Variants in ZNF175 observed in about 807,000 individuals in gnomAD.
The protein encoded by ZNF175 is zinc finger protein OTK18.
ZNF175 carries 8 observed loss-of-function variants against 14.0 expected under a neutral mutation model. That is an observed-to-expected ratio of 0.57 (90% CI 0.34 to 1.03). The LOEUF (loss-of-function observed/expected upper bound fraction) is 1.03, where lower values mean the gene tolerates loss of function less well. ZNF175 is among the 50% of genes least tolerant of loss of function. The pLI is 0.03. For synonymous variants in ZNF175, 255 were observed against 296.8 expected, an observed-to-expected ratio of 0.86 and a Z score of 1.45; for missense variants, 764 against 849.5, an observed-to-expected ratio of 0.90 and a Z score of 1.25.
At chr19:51,581,758 C>T in intron 3 of ZNF175, 29 bp from the exon 4 acceptor site, 1 of 1,609,924 alleles carries the variant, frequency 6.2e-7, no homozygotes, top group Non-Finnish European at 8.5e-7. Flanking sequence ...GAAGCTACAC[C>T]CAAATCCAGT....
chr19:51,575,379 G>C (rs1295804857), intron 2 of ZNF175, among the ~76,000 whole-genome samples: 1 of 151,952 alleles, frequency 6.6e-6, no homozygotes, highest in African/African-American at 2.4e-5. Context: ...AGCACTGCTG[G>C]CTAATTTTTT....
chr19:51,584,962 C>T (rs1568575957), intron 4 of ZNF175, among the ~76,000 whole-genome samples: 1 of 152,278 alleles, frequency 6.6e-6, no homozygotes, highest in Non-Finnish European at 1.5e-5. Flanking sequence ...CCATATGATC[C>T]AGCAACTCCA....
chr19:51,581,272 T>C, intron 2 of ZNF175, 119 bp from the exon 3 acceptor site: 3 of 1,413,538 alleles, frequency 2.1e-6, no homozygotes, highest in Non-Finnish European at 2.9e-6. Context: ...AGGTGTTTGG[T>C]GGGAAGCCTC....
rs1319364899 is a variant in ZNF175, at chr19:51,591,058, A to G, written c.*2591A>G. 6.6e-6 allele frequency: 1 copy of G among 152,480 alleles called. No individual in the cohort carries two copies. The highest frequency in any genetic ancestry group is 1.5e-5 in the Non-Finnish European group (1 of 68,352). The allele number at this position is 152,480 out of a possible 1,614,324, so 9.4% of individuals were successfully genotyped here. A position where few individuals can be genotyped will look rare whatever the true frequency, so the allele number is the denominator to read the frequency against. On this transcript the variant is annotated 3_prime_UTR_variant, in exon 5 of 5. Coordinates refer to ENST00000262259, the MANE Select transcript of ZNF175 (RefSeq NM_007147.4). ...ATCTCCAGCCACATGTTCACTCCTC[A>G]CGTGGGCCTCCCTAACTGTCCCCCT... is the stretch of plus-strand genomic sequence containing the variant.
rs766976750 is a variant in ZNF175, at chr19:51,587,130, CT to C, written c.800del (p.Leu267ProfsTer37). The C allele has an allele frequency of 6.2e-7, 1 of 1,614,200 alleles. No homozygotes were observed. Among genetic ancestry groups the C allele is most frequent in the Non-Finnish European group, 8.5e-7 (1 of 1,180,026 alleles). On this transcript the variant is annotated frameshift_variant, in exon 5 of 5. Coordinates refer to ENST00000262259, the MANE Select transcript of ZNF175 (RefSeq NM_007147.4). LOFTEE classifies it low-confidence loss of function (END_TRUNC). The part of the protein sequence containing the change: ...CRKVCGHKQS[L>X]KQHQIHTQKK... The stretch of plus-strand genomic sequence containing the variant: ...AAAAGTCTGTGGCCATAAACAGTCA[CT>C]CAAGCAACATCAAATTCATACTCAG...
rs1982308857 is a variant in ZNF175, at chr19:51,590,155, G to A, written c.*1688G>A. 6.6e-6 allele frequency: 1 copy of A among 152,654 alleles called. No individual in the cohort carries two copies. Among genetic ancestry groups the A allele is most frequent in the Non-Finnish European group, 1.5e-5 (1 of 68,410 alleles). The allele number at this position is 152,654 out of a possible 1,614,324, so 9.5% of individuals were successfully genotyped here. A position where few individuals can be genotyped will look rare whatever the true frequency, so the allele number is the denominator to read the frequency against. The stretch of plus-strand genomic sequence containing the variant: ...GAACTGTTATCAATACTTCCGAGAA[G>A]CAGACCAGCATAATCTTTTAAGTGC... On this transcript the variant is annotated 3_prime_UTR_variant, in exon 5 of 5. Transcript: ENST00000262259.
chr19:51,571,769 C>T (rs934179190), intron 1 of ZNF175, among the ~76,000 whole-genome samples: 1 of 152,120 alleles, frequency 6.6e-6, no homozygotes, highest in African/African-American at 2.4e-5. Flanking sequence ...ATTCACTGTC[C>T]GTGGGACTAG....
rs4802819 is a variant in ZNF175 at position 51,591,780 on chromosome 19, C to T, written c.*3313C>T. 75,004 of 136,946 alleles carry T rather than the reference C, an allele frequency of 0.55. 20,146 individuals are homozygous for T. Among genetic ancestry groups the T allele is most frequent in the East Asian group, 0.91 (4,430 of 4,846 alleles). The allele number at this position is 136,946 out of a possible 1,614,324, so 8.5% of individuals were successfully genotyped here. A position where few individuals can be genotyped will look rare whatever the true frequency, so the allele number is the denominator to read the frequency against. Reference sequence around the variant, plus strand: ...TCCTCATGACCTTTTTTTTTTTTTTCTTGTGAGATGGAGTCTCGCTCTGTC... The same window carrying T: ...TCCTCATGACCTTTTTTTTTTTTTTTTTGTGAGATGGAGTCTCGCTCTGTC... On this transcript the variant is annotated 3_prime_UTR_variant, in exon 5 of 5. Transcript: ENST00000262259.
chr19:51,576,152 GT>G (rs369470286), intron 2 of ZNF175, among the ~76,000 whole-genome samples: 52,099 of 130,414 alleles, frequency 0.4, 8,908 homozygotes, highest in East Asian at 0.69. Context: ...TTTTTTTTTT[GT>G]TTTTTTTTTT....
In ZNF175 at chr19:51,581,828, A is replaced by G. The variant is rs750265495; in HGVS notation, c.241A>G (p.Lys81Glu). The G allele has an allele frequency of 1.9e-6, 3 of 1,614,004 alleles. No individual in the cohort carries two copies. The highest frequency in any genetic ancestry group is 2.5e-6 in the Non-Finnish European group (3 of 1,179,912). Residue 81 changes from lysine to glutamate, a missense_variant, in exon 4 of 5, where the codon AAA (lysine) becomes GAA (glutamate). Coordinates refer to ENST00000262259, the MANE Select transcript of ZNF175 (RefSeq NM_007147.4). ...CCCAGAGGTCATCTTCAGAATGCTA[A>G]AAGAAAAGGAGCCGCGTGTGGAGGA... ...PNPEVIFRML[K>E]EKEPRVEEAE... is the part of the protein sequence containing the mutation.
intron 4 of ZNF175, among the ~76,000 whole-genome samples, chr19:51,585,620 ATACTCAGTATTAAAAT>A (rs1192611558): frequency 6.6e-6 from 1 of 152,216 alleles, no homozygotes; most frequent in Non-Finnish European, 1.5e-5. Flanking sequence ...TGTGATGTTC[ATACTCAGTATTAAAAT>A]CTGGTAGAAA....
At chr19:51,581,641 G>A (rs1838218459) in intron 3 of ZNF175, 124 bp downstream of exon 3, 1 of 1,521,700 alleles carries the variant, frequency 6.6e-7, no homozygotes, top group South Asian at 1.3e-5. Context: ...GTCCTGGATT[G>A]TTTGTTTCTT....
At position 51,587,007 on chromosome 19, in the gene ZNF175, G is replaced by A. The variant is rs372054272; in HGVS notation, c.676G>A (p.Val226Ile). Residue 226 changes from valine to isoleucine, a missense_variant, in exon 5 of 5, where the codon GTT (valine) becomes ATT (isoleucine). By Grantham distance (29) the Val-to-Ile change is conservative (BLOSUM62 3). Transcript: ENST00000262259. Reference sequence around the variant, plus strand: ...CAATGACACAGAACAGCTTGATGACGTTGTTGGGTCTGGTCAGCTATTCAG... The same window carrying A: ...CAATGACACAGAACAGCTTGATGACATTGTTGGGTCTGGTCAGCTATTCAG... ...ESNDTEQLDDVVGSGQLFSHS... is the reference protein window; with the variant it reads ...ESNDTEQLDDIVGSGQLFSHS... 3.4e-5 allele frequency: 55 copies of A among 1,614,056 alleles called. No homozygotes were observed. Among genetic ancestry groups the A allele is most frequent in the Non-Finnish European group, 4.3e-5 (51 of 1,180,014 alleles).
At position 51,589,714 on chromosome 19, in the gene ZNF175, T is replaced by G; in HGVS notation, c.*1247T>G. 6.3e-6 allele frequency: 4 copies of G among 636,928 alleles called. No individual in the cohort carries two copies. The East Asian group carries it at 1.1e-4, about 17-fold the overall frequency. 39.5% of individuals were successfully genotyped at this position (636,928 alleles called of 1,614,324 possible). A position where few individuals can be genotyped will look rare whatever the true frequency, so the allele number is the denominator to read the frequency against. On this transcript the variant is annotated 3_prime_UTR_variant, in exon 5 of 5. Coordinates refer to ENST00000262259, the MANE Select transcript of ZNF175 (RefSeq NM_007147.4). ...CTGTTTTTTTAAAATAAAGTTTTAT[T>G]GGAACACAGCCATGTTCATTTGGAC... is the stretch of plus-strand genomic sequence containing the variant.
intron 2 of ZNF175, among the ~76,000 whole-genome samples, chr19:51,575,995 TC>T (rs1293754292): frequency 6.6e-6 from 1 of 152,190 alleles, no homozygotes; most frequent in Non-Finnish European, 1.5e-5. Context: ...TTACGGTTTT[TC>T]CCTGGAGCAC....
Position 51,573,251 on chromosome 19 carries a change from A to C in ZNF175, c.-79A>C. The C allele has an allele frequency of 1.4e-6, 2 of 1,474,060 alleles. No homozygotes were observed. The highest frequency in any genetic ancestry group is 1.9e-6 in the Non-Finnish European group (2 of 1,058,850). The allele number at this position is 1,474,060 out of a possible 1,614,324, so 91.3% of individuals were successfully genotyped here. ...GCCGTGTCCCTGGTTGGAAAATCCAAACACCTATCCAGCTTCTGGCTCCTG... is the reference window on the plus strand; with the variant it reads ...GCCGTGTCCCTGGTTGGAAAATCCACACACCTATCCAGCTTCTGGCTCCTG... On this transcript the variant is annotated 5_prime_UTR_variant, in exon 2 of 5. Coordinates refer to ENST00000262259, the MANE Select transcript of ZNF175 (RefSeq NM_007147.4).
In ZNF175 at chr19:51,573,645, G is replaced by A. The variant is rs1981671735; in HGVS notation, c.72+244G>A. On this transcript the variant is annotated intron_variant, in intron 2 of 4. Coordinates refer to ENST00000262259, the MANE Select transcript of ZNF175 (RefSeq NM_007147.4). Reference sequence around the variant, plus strand: ...AAGAAGAAACTGTAGTCCCTGGTCTGATCAGAAGCCCCAGTCATAGGATGG... The same window carrying A: ...AAGAAGAAACTGTAGTCCCTGGTCTAATCAGAAGCCCCAGTCATAGGATGG... The A allele has an allele frequency of 2.3e-5, 11 of 484,972 alleles. No homozygotes were observed. The East Asian group carries it at 3.8e-4, about 17-fold the overall frequency. The allele number at this position is 484,972 out of a possible 1,614,324, so 30.0% of individuals were successfully genotyped here.
intron 2 of ZNF175, 108 bp downstream of exon 2, chr19:51,573,509 G>A: frequency 9.4e-7 from 1 of 1,058,588 alleles, no homozygotes. Context: ...CTCCTGTCAA[G>A]CGAGGACCAC....
At position 51,588,405 on chromosome 19, in the gene ZNF175, A is replaced by G. The variant is rs113726540; in HGVS notation, c.2074A>G (p.Thr692Ala). ...NRSNFNKHQTTHTRDKSYKCS... is the reference protein window; with the variant it reads ...NRSNFNKHQTAHTRDKSYKCS... ...GTCAAACTTCAATAAACACCAAACA[A>G]CTCATACCAGAGACAAATCTTACAA... The change falls in exon 5 of 5, where the codon ACT (threonine) becomes GCT (alanine). Residue 692 changes from threonine to alanine, a missense_variant. Coordinates refer to ENST00000262259, the MANE Select transcript of ZNF175 (RefSeq NM_007147.4). 3.1e-4 allele frequency: 490 copies of G among 1,601,896 alleles called. 2 individuals carry two copies. In the African/African-American group the frequency reaches 6.0e-3, roughly 20 times the overall value.
Sources: gnomAD v4.1 joint callset for allele counts (sites outside exome capture counted in the v4.1 genomes callset) on GRCh38, gnomAD v4.1.1 for gene constraint, MANE v1.5 for transcripts, NCBI Gene and HGNC (gene_info 2026-07-23, HGNC 2026-07-21) for gene names.